The following SDCCAG8 variants were observed in gnomAD, a reference collection of about 807,000 sequenced individuals.
SDCCAG8 encodes the protein SHH signaling and ciliogenesis regulator SDCCAG8, also known as serologically defined colon cancer antigen 8.
A neutral mutation model predicts 101.8 loss-of-function variants in SDCCAG8; 74 were observed. The observed-to-expected ratio is 0.73, with a 90% CI of 0.60 to 0.88. The LOEUF is 0.88. Among genes scored for constraint, SDCCAG8 ranks in the 40% least tolerant of loss-of-function variants. The probability of loss-of-function intolerance (pLI) is 0.00; values close to 1 mark genes in which losing one functional copy is unlikely to be tolerated. For synonymous variants in SDCCAG8, 281 were observed against 292.9 expected (o/e 0.96, Z 0.41); for missense variants, 787 against 822.6 (o/e 0.96, Z 0.53).
chr1:243,462,522 A>T (rs1036268626), intron 16 of SDCCAG8, among the ~76,000 whole-genome samples: 1 of 152,244 alleles, frequency 6.6e-6, no homozygotes, highest in African/African-American at 2.4e-5. Context: ...ACCTCCTTGG[A>T]GTGAAATCTT....
intron 12 of SDCCAG8, among the ~76,000 whole-genome samples, chr1:243,358,996 T>G (rs1182975568): frequency 6.6e-6 from 1 of 152,212 alleles, no homozygotes; most frequent in African/African-American, 2.4e-5. Context: ...ATGGAGTTTC[T>G]TTTGGGGTGA....
intron 17 of SDCCAG8, among the ~76,000 whole-genome samples, chr1:243,492,295 CTTTTTT>C (rs33950392): frequency 6.3e-5 from 4 of 63,124 alleles, no homozygotes; most frequent in African/African-American, 1.3e-4. Flanking sequence ...CGTTTCTTGG[CTTTTTT>C]TTTTTTTTTT....
intron 15 of SDCCAG8, among the ~76,000 whole-genome samples, chr1:243,419,061 C>T (rs1045959890): frequency 6.6e-6 from 1 of 152,076 alleles, no homozygotes; most frequent in Non-Finnish European, 1.5e-5. Flanking sequence ...TGAGCTCCAT[C>T]TTGGAATCCT....
rs1661898789 is a variant in SDCCAG8 at position 243,474,328 on chromosome 1, A to G, written c.1986-14686A>G. Among the ~76,000 whole-genome samples the G allele has an allele frequency of 2.6e-5, 4 of 152,178 alleles. No homozygotes were observed. The South Asian group carries it at 8.3e-4, about 31-fold the overall frequency. ...TAATCCTCTCCTTCTGCCAAAGTCC[A>G]GAGGCCCTGCGAGCCCCCGTGGAGT... On this transcript the variant is annotated intron_variant, in intron 16 of 17. Transcript: ENST00000366541. The surrounding 1 kb of genome is among the most constrained non-coding windows in gnomAD (Gnocchi z 4.7).
chr1:243,257,767 A>C (rs1337213878), intron 1 of SDCCAG8, among the ~76,000 whole-genome samples: 2 of 152,218 alleles, frequency 1.3e-5, no homozygotes, highest in Non-Finnish European at 2.9e-5. Context: ...CTGATGTTTC[A>C]AGAGCTGTTA....
At chr1:243,347,718 A>AT in intron 12 of SDCCAG8, among the ~76,000 whole-genome samples, 2 of 152,272 alleles carry the variant, frequency 1.3e-5, no homozygotes, top group South Asian at 4.1e-4. Context: ...ACAGCCTTGT[A>AT]TTTAAGATTT....
Position 243,499,937 on chromosome 1 carries a change from C to A in SDCCAG8, c.*152C>A. On this transcript the variant is annotated 3_prime_UTR_variant, in exon 18 of 18. Coordinates refer to ENST00000366541, the MANE Select transcript of SDCCAG8 (RefSeq NM_006642.5). ...TGGTCCTCATCAACGCGGGCGCTGT[C>A]CCCGCACGCAGTCGGGCTGGAGCTG... The A allele has an allele frequency of 1.4e-6, 1 of 718,562 alleles. No homozygotes were observed. The highest frequency in any genetic ancestry group is 2.7e-5 in the East Asian group (1 of 37,096). 44.5% of individuals were successfully genotyped at this position (718,562 alleles called of 1,614,324 possible).
At chr1:243,296,230 A>T (rs935236743) in intron 6 of SDCCAG8, among the ~76,000 whole-genome samples, 2 of 152,090 alleles carry the variant, frequency 1.3e-5, no homozygotes, top group Non-Finnish European at 1.5e-5. Context: ...TCCTGGCCTC[A>T]AGTGATCCAC....
intron 16 of SDCCAG8, among the ~76,000 whole-genome samples, chr1:243,471,031 T>G (rs1261469798): frequency 6.6e-6 from 1 of 152,074 alleles, no homozygotes; most frequent in African/African-American, 2.4e-5. Context: ...ACAAGCATGC[T>G]CTCCCCTCAG....
chr1:243,441,348 C>T (rs1239098934), intron 16 of SDCCAG8, among the ~76,000 whole-genome samples: 2 of 152,148 alleles, frequency 1.3e-5, no homozygotes, highest in Non-Finnish European at 2.9e-5. Context: ...TGTTTTCTAA[C>T]CAGCCCATGG....
chr1:243,342,230 T>C (rs191760797), intron 11 of SDCCAG8, among the ~76,000 whole-genome samples: 3 of 152,292 alleles, frequency 2.0e-5, no homozygotes, highest in East Asian at 3.9e-4. Flanking sequence ...CAGTTTTCAG[T>C]TGATAATAGA....
chr1:243,421,775 C>G (rs2081024538), intron 15 of SDCCAG8, among the ~76,000 whole-genome samples: 10 of 152,150 alleles, frequency 6.6e-5, no homozygotes, highest in Admixed American at 6.5e-4. Flanking sequence ...CATAAACTTT[C>G]GCTATCCTTC....
At chr1:243,271,433 G>A (rs2068073847) in intron 3 of SDCCAG8, among the ~76,000 whole-genome samples, 2 of 149,766 alleles carry the variant, frequency 1.3e-5, no homozygotes. Flanking sequence ...TTTTTTAGAG[G>A]GTCATATCTA....
chr1:243,476,072 T>A (rs1662357644), intron 16 of SDCCAG8: 1 of 985,202 alleles, frequency 1.0e-6, no homozygotes, highest in Non-Finnish European at 1.2e-6. Flanking sequence ...ATCCCAACAC[T>A]CATCAGTGTG....
intron 12 of SDCCAG8, among the ~76,000 whole-genome samples, chr1:243,355,760 C>T (rs2076346758): frequency 6.6e-6 from 1 of 152,156 alleles, no homozygotes; most frequent in African/African-American, 2.4e-5. Context: ...TGCATGCCAC[C>T]ACACCCGGCT....
At chr1:243,414,748 C>T (rs1044811878) in intron 13 of SDCCAG8, among the ~76,000 whole-genome samples, 9 of 151,968 alleles carry the variant, frequency 5.9e-5, no homozygotes, top group Non-Finnish European at 1.3e-4. Context: ...GAGAAATGCC[C>T]GCAAGGAGAT....
chr1:243,478,734 G>A (rs1430766207), intron 16 of SDCCAG8, among the ~76,000 whole-genome samples: 1 of 152,036 alleles, frequency 6.6e-6, no homozygotes, highest in East Asian at 1.9e-4. Flanking sequence ...TGAGGTGGGC[G>A]GATCATGAGA....
chr1:243,393,573 A>G (rs369395251), intron 13 of SDCCAG8, among the ~76,000 whole-genome samples: 103 of 152,142 alleles, frequency 6.8e-4, no homozygotes, highest in African/African-American at 2.4e-3. Context: ...GTGACTGAGA[A>G]AGGAAGAATT....
At chr1:243,318,156 A>G (rs2073426532) in intron 9 of SDCCAG8, 1 of 445,538 alleles carries the variant, frequency 2.2e-6, no homozygotes, top group Non-Finnish European at 4.5e-6. Flanking sequence ...CATGGACACC[A>G]TGGAATAGTA....
Sources: allele counts gnomAD v4.1 joint callset (sites outside exome capture counted in the v4.1 genomes callset), GRCh38; gene constraint gnomAD v4.1.1; non-coding constraint Gnocchi (gnomAD v3.1); transcripts MANE v1.5; gene names NCBI Gene and HGNC (gene_info 2026-07-23, HGNC 2026-07-21).